Variants in SLIT1 observed in about 807,000 individuals in gnomAD.
The protein encoded by SLIT1 is slit homolog 1 protein.
Under a neutral mutation model 186.1 loss-of-function variants are expected in SLIT1, and 66 were observed. The observed-to-expected ratio is 0.35, with a 90% confidence interval of 0.29 to 0.44. SLIT1 has a LOEUF of 0.44. SLIT1 is among the 20% of genes least tolerant of loss of function. The probability of loss-of-function intolerance (pLI) is 1.00; values close to 1 mark genes in which losing one functional copy is unlikely to be tolerated. For missense variants in SLIT1, 1,638 were observed against 2,037.4 expected (o/e 0.80, Z 3.77); for synonymous variants, 761 against 833.8 (o/e 0.91, Z 1.50).
chr10:97,075,446 G>A (rs753424492), intron 4 of SLIT1, among the ~76,000 whole-genome samples: 7 of 152,222 alleles, frequency 4.6e-5, no homozygotes, highest in African/African-American at 1.2e-4. Flanking sequence ...GGAGTCAGGA[G>A]GCTGAGGCTC....
chr10:97,050,351 C>G (rs1848776155), intron 13 of SLIT1, among the ~76,000 whole-genome samples: 1 of 152,188 alleles, frequency 6.6e-6, no homozygotes, highest in South Asian at 2.1e-4. Flanking sequence ...GTGCCCAGCT[C>G]ACCTCAGACC....
chr10:97,145,824 G>A (rs1327479555), intron 4 of SLIT1, among the ~76,000 whole-genome samples: 1 of 152,166 alleles, frequency 6.6e-6, no homozygotes, highest in Non-Finnish European at 1.5e-5. Flanking sequence ...TGGGGCCAAA[G>A]CCAGACAGAC....
rs773508999 is a variant in SLIT1, at chr10:97,001,092, C to A, written c.*20G>T. 2 of 1,603,574 alleles carry A rather than the reference C, an allele frequency of 1.2e-6. No individual in the cohort carries two copies. Among genetic ancestry groups the A allele is most frequent in the Middle Eastern group, 1.8e-4 (1 of 5,490 alleles). ...GCTGGGGCCCCTTGCCCGCCCTCACCGGCCTGTCCACGCCCAGCGCTATGC... is the reference window on the plus strand; with the variant it reads ...GCTGGGGCCCCTTGCCCGCCCTCACAGGCCTGTCCACGCCCAGCGCTATGC... On this transcript the variant is annotated 3_prime_UTR_variant, in exon 37 of 37. Transcript: ENST00000266058.
chr10:97,129,254 T>C (rs1216047597), intron 4 of SLIT1, among the ~76,000 whole-genome samples: 1 of 151,778 alleles, frequency 6.6e-6, no homozygotes, highest in East Asian at 1.9e-4. Flanking sequence ...ATACAAAAAT[T>C]AGTCGGGTGT....
chr10:97,109,710 C>T (rs563009984), intron 4 of SLIT1, among the ~76,000 whole-genome samples: 2 of 152,084 alleles, frequency 1.3e-5, no homozygotes, highest in African/African-American at 2.4e-5. Flanking sequence ...GGGTGAGGGG[C>T]GGGTCTGGCG....
At position 97,047,699 on chromosome 10, in the gene SLIT1, G is replaced by A. The variant is rs749596022; in HGVS notation, c.1625C>T (p.Thr542Met). 122 of 1,613,612 alleles carry A rather than the reference G, an allele frequency of 7.6e-5. No individual in the cohort carries two copies. The East Asian group carries it at 1.3e-3, about 17-fold the overall frequency. ...TKIPERIPQS[T>M]AELRLNNNEI... ...GGCCAGGGACCCTCACAGTTCTGCC[G>A]TGGACTGGGGGATGCGCTCAGGGAT... The change falls in exon 16 of 37, where the codon ACG (threonine) becomes ATG (methionine). Residue 542 changes from threonine to methionine, a missense_variant. Around this residue, in one of 3 missense-constraint regions of SLIT1, gnomAD observed 1,245 missense variants for 1,535.3 expected, o/e 0.81. Coordinates refer to ENST00000266058, the MANE Select transcript of SLIT1 (RefSeq NM_003061.3).
chr10:97,024,708 A>T (rs1293842579), intron 25 of SLIT1, among the ~76,000 whole-genome samples: 1 of 152,226 alleles, frequency 6.6e-6, no homozygotes, highest in African/African-American at 2.4e-5. Context: ...TAAGTATGTT[A>T]TTCGAAAGAT....
chr10:97,013,992 C>G lies in SLIT1; in HGVS notation c.3109+27G>C, dbSNP rs1031571441. 4 of 1,610,234 alleles carry G rather than the reference C, an allele frequency of 2.5e-6. No homozygotes were observed. In the African/African-American group the frequency reaches 5.3e-5, roughly 21 times the overall value. On this transcript the variant is annotated intron_variant, in intron 29 of 36. Transcript: ENST00000266058. ...GGCTGTCTCTGTTCCCCACCTCCCCCAGACACTGCTGCCCTGACGCACTTA... is the reference window on the plus strand; with the variant it reads ...GGCTGTCTCTGTTCCCCACCTCCCCGAGACACTGCTGCCCTGACGCACTTA...
At chr10:97,035,524 A>G (rs1157450467) in intron 22 of SLIT1, among the ~76,000 whole-genome samples, 1 of 152,080 alleles carries the variant, frequency 6.6e-6, no homozygotes, top group Non-Finnish European at 1.5e-5. Context: ...CACCTCTCGC[A>G]CCGTGCCCTC....
intron 9 of SLIT1, among the ~76,000 whole-genome samples, chr10:97,060,389 C>T (rs1338128439): frequency 2.0e-5 from 3 of 152,234 alleles, no homozygotes; most frequent in African/African-American, 7.2e-5. Context: ...ACAAATGATG[C>T]TGAGAACCTG....
intron 4 of SLIT1, among the ~76,000 whole-genome samples, chr10:97,143,871 T>C (rs1034863292): frequency 9.9e-5 from 15 of 152,218 alleles, no homozygotes; most frequent in African/African-American, 3.4e-4. Context: ...GGAAGGACTT[T>C]TGATGCTCAG....
At chr10:97,012,199 T>A (rs1848418035) in intron 30 of SLIT1, among the ~76,000 whole-genome samples, 1 of 152,084 alleles carries the variant, frequency 6.6e-6, no homozygotes, top group Admixed American at 6.5e-5. Flanking sequence ...CATGTTGCTG[T>A]CTGATACTTT....
chr10:97,019,216 C>T, intron 26 of SLIT1, 109 bp from the exon 27 acceptor site: 1 of 703,770 alleles, frequency 1.4e-6, no homozygotes. Flanking sequence ...GTTTCCCCTC[C>T]TGATTTTTCC....
At position 97,002,339 on chromosome 10, in the gene SLIT1, G is replaced by A. The variant is rs746802869; in HGVS notation, c.4185C>T (p.Asp1395=). The change falls in exon 36 of 37, where the codon GAC becomes GAT. Residue 1395 remains aspartate, a synonymous_variant. Coordinates refer to ENST00000266058, the MANE Select transcript of SLIT1 (RefSeq NM_003061.3). ...GGCACTGGCAGCTGTAGGAAAGAGC[G>A]TCGAGGGGCACGCATTGCCCATGGA... ...KCVHGQCVPL[D]ALSYSCQCQD... 4.0e-5 allele frequency: 64 copies of A among 1,610,058 alleles called. No individual in the cohort carries two copies. The highest frequency in any genetic ancestry group is 6.7e-5 in the East Asian group (3 of 44,834).
rs1321920074 is a variant in SLIT1 at position 97,010,300 on chromosome 10, C to T, written c.3341+693G>A. ...AAACATGATGCTGAGTGAAAGCAGCCAGTCACAAAGGACAACAGACTGTAC... is the reference window on the plus strand; with the variant it reads ...AAACATGATGCTGAGTGAAAGCAGCTAGTCACAAAGGACAACAGACTGTAC... On this transcript the variant is annotated intron_variant, in intron 31 of 36. Coordinates refer to ENST00000266058, the MANE Select transcript of SLIT1 (RefSeq NM_003061.3). The surrounding 1 kb of genome is among the most constrained non-coding windows in gnomAD (Gnocchi z 4.8). Among the ~76,000 whole-genome samples, 1 of 152,158 alleles carries T rather than the reference C, an allele frequency of 6.6e-6. No homozygotes were observed. Among genetic ancestry groups the T allele is most frequent in the East Asian group, 1.9e-4 (1 of 5,196 alleles).
At chr10:97,163,097 T>C (rs1322145164) in intron 3 of SLIT1, among the ~76,000 whole-genome samples, 1 of 152,204 alleles carries the variant, frequency 6.6e-6, no homozygotes, top group Non-Finnish European at 1.5e-5. Flanking sequence ...ACTTCCTCTG[T>C]ATTATTATGT....
In SLIT1 at chr10:97,022,075, C is replaced by T. The variant is rs1283865148; in HGVS notation, c.2583-662G>A. Among the ~76,000 whole-genome samples, 1 of 152,162 alleles carries T rather than the reference C, an allele frequency of 6.6e-6. No individual in the cohort carries two copies. The highest frequency in any genetic ancestry group is 2.1e-4 in the South Asian group (1 of 4,826). On this transcript the variant is annotated intron_variant, in intron 25 of 36. Coordinates refer to ENST00000266058, the MANE Select transcript of SLIT1 (RefSeq NM_003061.3). This position sits in a 1 kb window ranked among gnomAD's most constrained non-coding sequence, Gnocchi z 4.2. Reference sequence around the variant, plus strand: ...CCAGTGTGCATGGGGAGAAAGCAACCCACATCGACTGCTGCAATGAGACAG... The same window carrying T: ...CCAGTGTGCATGGGGAGAAAGCAACTCACATCGACTGCTGCAATGAGACAG...
intron 4 of SLIT1, chr10:97,155,533 A>G (rs975939648): frequency 6.6e-6 from 1 of 152,266 alleles, no homozygotes; most frequent in Non-Finnish European, 1.5e-5. Context: ...AGATGATCTC[A>G]AGTAAAGGGC....
intron 4 of SLIT1, among the ~76,000 whole-genome samples, chr10:97,140,880 T>C (rs1243375439): frequency 6.6e-6 from 1 of 152,180 alleles, no homozygotes; most frequent in Non-Finnish European, 1.5e-5. Flanking sequence ...TGGGGTCTGG[T>C]AAATATTTTG....
Sources: allele counts gnomAD v4.1 joint callset (sites outside exome capture counted in the v4.1 genomes callset), GRCh38; gene constraint gnomAD v4.1.1; regional missense constraint gnomAD v4.1.1; non-coding constraint Gnocchi (gnomAD v3.1); transcripts MANE v1.5; gene names NCBI Gene and HGNC (gene_info 2026-07-23, HGNC 2026-07-21).